MAN1A1: variants seen among roughly 807,000 people sequenced by gnomAD.
The protein encoded by MAN1A1 is mannosidase alpha class 1A member 1.
MAN1A1 carries 29 observed loss-of-function variants against 70.8 expected under a neutral mutation model. The ratio of observed to expected loss-of-function variants is 0.41; its 90% confidence interval spans 0.31 to 0.56. The LOEUF is 0.56. Ranked by LOEUF, MAN1A1 falls within the 20% of genes least tolerant of loss-of-function variation. MAN1A1 has a pLI of 0.29. For missense variants in MAN1A1, 747 were observed against 841.3 expected (o/e 0.89, Z 1.39); for synonymous variants, 349 against 330.1 (o/e 1.06, Z -0.62).
At chr6:119,253,615 T>A (rs1384448796) in intron 5 of MAN1A1, among the ~76,000 whole-genome samples, 2 of 152,206 alleles carry the variant, frequency 1.3e-5, no homozygotes, top group Non-Finnish European at 2.9e-5. Context: ...ATTTGTACAC[T>A]ACAGGAATAA....
Position 119,302,046 on chromosome 6 carries a change from A to C in MAN1A1, c.758T>G (p.Met253Arg). The change falls in exon 4 of 13, where the codon ATG becomes AGG. Residue 253 changes from methionine to arginine, a missense_variant. Met to Arg is a moderately conservative substitution (Grantham distance 91). Around this residue, in one of 2 missense-constraint regions of MAN1A1, gnomAD observed 419 missense variants for 548.2 expected, o/e 0.76. Coordinates refer to ENST00000368468, the MANE Select transcript of MAN1A1 (RefSeq NM_005907.4). ...DALDTLFIMEMKHEFEEAKSW... is the reference protein window; with the variant it reads ...DALDTLFIMERKHEFEEAKSW... ...TTTTGCTTCTTCAAATTCATGTTTC[A>C]TTTCCATAATAAAAAGTGTATCCAG... The C allele has an allele frequency of 6.2e-7, 1 of 1,610,970 alleles. No homozygotes were observed. Among genetic ancestry groups the C allele is most frequent in the Non-Finnish European group, 8.5e-7 (1 of 1,177,694 alleles).
At chr6:119,214,626 C>T (rs892484913) in intron 6 of MAN1A1, among the ~76,000 whole-genome samples, 1 of 152,096 alleles carries the variant, frequency 6.6e-6, no homozygotes, top group East Asian at 1.9e-4. Context: ...CTCAAGCACT[C>T]TTCCCACCTC....
intron 5 of MAN1A1, among the ~76,000 whole-genome samples, chr6:119,271,624 C>A (rs759225537): frequency 6.6e-6 from 1 of 152,010 alleles, no homozygotes; most frequent in Non-Finnish European, 1.5e-5. Context: ...CTCAGCCTCC[C>A]GAGTAGCTGG....
rs10562938 is a variant in MAN1A1 at position 119,331,570 on chromosome 6, CATATATATATATATATAT to C, written c.603+16875_603+16892del. On this transcript the variant is annotated intron_variant, in intron 2 of 12. Transcript: ENST00000368468. ...CGCACATAACCATGTACATATTATG[CATATATATATATATATAT>C]ATATATATATAATCAAGGGGATATA... 1.3e-3 allele frequency among the ~76,000 whole-genome samples: 156 copies of C among 117,968 alleles called. 3 individuals are homozygous for C. The highest frequency in any genetic ancestry group is 9.2e-3 in the Middle Eastern group (2 of 218). 77.4% of individuals were successfully genotyped at this position (117,968 alleles called of 152,430 possible). A position where few individuals can be genotyped will look rare whatever the true frequency, so the allele number is the denominator to read the frequency against.
Position 119,181,919 on chromosome 6 carries a change from T to C in MAN1A1, c.1720-1492A>G, listed in dbSNP as rs74471273. On this transcript the variant is annotated intron_variant, in intron 11 of 12. Coordinates refer to ENST00000368468, the MANE Select transcript of MAN1A1 (RefSeq NM_005907.4). Reference sequence around the variant, plus strand: ...CAAGAATTAGGATTGCTGGATCATATGGTAGCTCTATTTTTAATTTTTTGA... The same window carrying C: ...CAAGAATTAGGATTGCTGGATCATACGGTAGCTCTATTTTTAATTTTTTGA... Among the ~76,000 whole-genome samples, 157 of 152,324 alleles carry C rather than the reference T, an allele frequency of 1.0e-3. 1 individual carries two copies. Among genetic ancestry groups the C allele is most frequent in the African/African-American group, 3.7e-3 (155 of 41,568 alleles).
At chr6:119,202,520 C>T (rs747869359) in intron 7 of MAN1A1, among the ~76,000 whole-genome samples, 1 of 152,160 alleles carries the variant, frequency 6.6e-6, no homozygotes, top group Non-Finnish European at 1.5e-5. Context: ...CATAGTAGTA[C>T]ATAAATCAGT....
intron 6 of MAN1A1, among the ~76,000 whole-genome samples, chr6:119,217,545 C>T (rs1774243039): frequency 2.6e-5 from 4 of 152,274 alleles, no homozygotes; most frequent in Admixed American, 6.5e-5. Flanking sequence ...CTCCCAAAGG[C>T]GTGAGCCACT....
intron 8 of MAN1A1, among the ~76,000 whole-genome samples, chr6:119,198,950 A>G (rs1773644801): frequency 6.6e-6 from 1 of 152,260 alleles, no homozygotes; most frequent in South Asian, 2.1e-4. Flanking sequence ...ATTAGAAATT[A>G]CATCAATGAA....
At chr6:119,292,422 T>C (rs1481935783) in intron 4 of MAN1A1, among the ~76,000 whole-genome samples, 2 of 152,012 alleles carry the variant, frequency 1.3e-5, no homozygotes, top group African/African-American at 4.8e-5. Context: ...AAGCATTTAT[T>C]AAGCAACTAC....
chr6:119,322,821 A>C (rs1050003795), intron 2 of MAN1A1, among the ~76,000 whole-genome samples: 12 of 152,230 alleles, frequency 7.9e-5, no homozygotes, highest in Admixed American at 2.6e-4. Flanking sequence ...GCTGTGGGTA[A>C]CAATCATTTC....
At chr6:119,336,036 T>C (rs1773441997) in intron 2 of MAN1A1, among the ~76,000 whole-genome samples, 1 of 152,202 alleles carries the variant, frequency 6.6e-6, no homozygotes, top group Non-Finnish European at 1.5e-5. Context: ...CACCCAGGCC[T>C]ACTGAATCAG....
chr6:119,348,127 G>C (rs1337763366), intron 2 of MAN1A1, among the ~76,000 whole-genome samples: 1 of 152,208 alleles, frequency 6.6e-6, no homozygotes, highest in Non-Finnish European at 1.5e-5. Context: ...TGCCGTCGCT[G>C]TTACTGGTGG....
intron 2 of MAN1A1, among the ~76,000 whole-genome samples, chr6:119,316,085 G>A (rs781180865): frequency 6.6e-5 from 10 of 152,090 alleles, no homozygotes; most frequent in East Asian, 1.9e-4. Context: ...TGGTCCCCAG[G>A]CCAAGATCTT....
intron 6 of MAN1A1, among the ~76,000 whole-genome samples, chr6:119,219,777 C>A (rs1367303478): frequency 1.3e-5 from 2 of 152,128 alleles, no homozygotes; most frequent in Non-Finnish European, 2.9e-5. Flanking sequence ...AATTGCTACA[C>A]AACTACCAAA....
chr6:119,226,504 G>A (rs2114269282), intron 6 of MAN1A1, among the ~76,000 whole-genome samples: 1 of 152,156 alleles, frequency 6.6e-6, no homozygotes, highest in African/African-American at 2.4e-5. Context: ...ACAAAAAACT[G>A]CCCATTGTCC....
chr6:119,260,976 G>GCTTTTTTT (rs1554209499), intron 5 of MAN1A1, among the ~76,000 whole-genome samples: 4,592 of 116,668 alleles, frequency 0.039, 684 homozygotes, highest in African/African-American at 0.074. Flanking sequence ...TTTTTTTATT[G>GCTTTTTTT]TTTTTTTTTT....
At chr6:119,306,434 T>C (rs1772527044) in intron 3 of MAN1A1, among the ~76,000 whole-genome samples, 1 of 152,184 alleles carries the variant, frequency 6.6e-6, no homozygotes, top group Non-Finnish European at 1.5e-5. Context: ...TCACTTTCTC[T>C]TCCATGGTAC....
intron 5 of MAN1A1, among the ~76,000 whole-genome samples, chr6:119,264,666 C>G (rs976845717): frequency 1.3e-5 from 2 of 152,114 alleles, no homozygotes; most frequent in Non-Finnish European, 2.9e-5. Flanking sequence ...AAGATATGGT[C>G]AAATTTATGA....
chr6:119,193,818 T>C lies in MAN1A1; in HGVS notation c.1285A>G (p.Thr429Ala), dbSNP rs1366466365. ...LLKAWLMSDK[T>A]DLEAKKMYFD... ...TACATCTTCTTAGCTTCCAGATCTG[T>C]CTTGTCAGACATTAACCAGGCCTTC... The change falls in exon 9 of 13, where the codon ACA (threonine) becomes GCA (alanine). Residue 429 changes from threonine (T) to alanine (A), a missense_variant. Physicochemically the swap from Thr to Ala is moderately conservative, Grantham distance 58. Around this residue, in one of 2 missense-constraint regions of MAN1A1, gnomAD observed 419 missense variants for 548.2 expected, o/e 0.76. Coordinates refer to ENST00000368468, the MANE Select transcript of MAN1A1 (RefSeq NM_005907.4). 1.2e-6 allele frequency: 2 copies of C among 1,613,822 alleles called. No individual in the cohort carries two copies. The highest frequency in any genetic ancestry group is 1.1e-5 in the South Asian group (1 of 91,070).
Sources: allele counts gnomAD v4.1 joint callset (sites outside exome capture counted in the v4.1 genomes callset), GRCh38; gene constraint gnomAD v4.1.1; regional missense constraint gnomAD v4.1.1; transcripts MANE v1.5; gene names NCBI Gene and HGNC (gene_info 2026-07-23, HGNC 2026-07-21).